UVRAG: variants seen among roughly 807,000 people sequenced by gnomAD.
The protein encoded by UVRAG is UV radiation resistance associated, also known as UV radiation resistance-associated gene protein.
Under a neutral mutation model 78.0 loss-of-function variants are expected in UVRAG, and 19 were observed. The ratio of observed to expected loss-of-function variants is 0.24; its 90% CI spans 0.17 to 0.36. The LOEUF is 0.36. UVRAG is among the 10% of genes least tolerant of loss of function. The pLI, the probability that UVRAG is intolerant of heterozygous loss-of-function variation, is 1.00. For missense variants in UVRAG, 740 were observed against 853.8 expected (o/e 0.87, Z 1.66); for synonymous variants, 323 against 324.6 (o/e 1.00, Z 0.05).
intron 6 of UVRAG, among the ~76,000 whole-genome samples, chr11:75,944,222 T>A (rs1310235965): frequency 6.6e-6 from 1 of 152,162 alleles, no homozygotes; most frequent in Non-Finnish European, 1.5e-5. Context: ...TTAGCTACCC[T>A]TCCTTCATAT....
chr11:75,867,987 G>C (rs1388588390), intron 3 of UVRAG, among the ~76,000 whole-genome samples: 3 of 152,210 alleles, frequency 2.0e-5, no homozygotes, highest in African/African-American at 7.2e-5. Context: ...GTCAAAGATT[G>C]TAGGACTTTA....
intron 13 of UVRAG, among the ~76,000 whole-genome samples, chr11:76,114,192 A>C (rs1952134265): frequency 6.6e-6 from 1 of 152,092 alleles, no homozygotes; most frequent in Non-Finnish European, 1.5e-5. Flanking sequence ...TCATGTTGGG[A>C]TATCAGCCAT....
intron 6 of UVRAG, among the ~76,000 whole-genome samples, chr11:75,945,932 C>T (rs192898019): frequency 6.6e-6 from 1 of 152,140 alleles, no homozygotes; most frequent in Non-Finnish European, 1.5e-5. Context: ...GACCCCGTCC[C>T]TAGAATAGAT....
At chr11:76,131,035 T>C (rs1239660458) in intron 14 of UVRAG, among the ~76,000 whole-genome samples, 5 of 152,018 alleles carry the variant, frequency 3.3e-5, no homozygotes, top group Non-Finnish European at 5.9e-5. Context: ...CCAGGTATCA[T>C]TCCTGGCATC....
chr11:76,064,131 A>G (rs1406594584), intron 12 of UVRAG, among the ~76,000 whole-genome samples: 2 of 152,236 alleles, frequency 1.3e-5, no homozygotes, highest in Non-Finnish European at 2.9e-5. Flanking sequence ...GGAATGTTGA[A>G]GCTTGGTTTT....
At chr11:75,860,858 C>G (rs1946405655) in intron 2 of UVRAG, among the ~76,000 whole-genome samples, 1 of 151,628 alleles carries the variant, frequency 6.6e-6, no homozygotes, top group African/African-American at 2.4e-5. Context: ...GCAATTCTAC[C>G]CACTGCAGCC....
chr11:75,873,328 C>T (rs1946693021), intron 3 of UVRAG, among the ~76,000 whole-genome samples: 1 of 151,634 alleles, frequency 6.6e-6, no homozygotes, highest in Non-Finnish European at 1.5e-5. Flanking sequence ...CAGCAAAGTG[C>T]CAGGAATAGT....
intron 12 of UVRAG, 52 bp from the exon 13 acceptor site, chr11:76,065,658 G>A: frequency 6.4e-7 from 1 of 1,554,912 alleles, no homozygotes. Flanking sequence ...CAACTTGGAG[G>A]TTGTATTTAC....
At chr11:75,995,373 C>T (rs1342080509) in intron 8 of UVRAG, among the ~76,000 whole-genome samples, 2 of 151,424 alleles carry the variant, frequency 1.3e-5, no homozygotes, top group Non-Finnish European at 2.9e-5. Context: ...TCAGATATGT[C>T]AGATTTCATT....
At chr11:76,090,089 A>G (rs143890007) in intron 13 of UVRAG, among the ~76,000 whole-genome samples, 414 of 152,156 alleles carry the variant, frequency 2.7e-3, no homozygotes, top group Non-Finnish European at 4.8e-3. Flanking sequence ...TCTGATTTCA[A>G]CCAATCTCCT....
rs77398994 is a variant in UVRAG at position 75,945,698 on chromosome 11, T to G, written c.594-15746T>G. ...TTTCATAATCTGACCTCTGCCTGCC[T>G]TTTTACCTCATCTCTTGCCATCCTC... On this transcript the variant is annotated intron_variant, in intron 6 of 14. Transcript: ENST00000356136. Among the ~76,000 whole-genome samples, 4 of 152,198 alleles carry G rather than the reference T, an allele frequency of 2.6e-5. No individual in the cohort carries two copies. The South Asian group carries it at 8.3e-4, about 32-fold the overall frequency.
intron 8 of UVRAG, among the ~76,000 whole-genome samples, chr11:76,000,670 G>GA (rs57250759): frequency 3.0e-4 from 45 of 152,078 alleles, no homozygotes; most frequent in African/African-American, 9.9e-4. Flanking sequence ...TTAAAGAATG[G>GA]AAAAAGATGT....
chr11:76,007,661 A>C, intron 10 of UVRAG, 40 bp downstream of exon 10: 3 of 1,508,724 alleles, frequency 2.0e-6, no homozygotes, highest in Non-Finnish European at 2.8e-6. Context: ...TCGTTTTGAA[A>C]AGATGATTTC....
intron 1 of UVRAG, among the ~76,000 whole-genome samples, chr11:75,829,956 C>A (rs941372598): frequency 6.6e-6 from 1 of 152,182 alleles, no homozygotes; most frequent in Non-Finnish European, 1.5e-5. Flanking sequence ...TCTCGTGCCT[C>A]GGCCTCCCAC....
intron 11 of UVRAG, among the ~76,000 whole-genome samples, chr11:76,016,597 T>A (rs971813181): frequency 2.0e-5 from 3 of 152,160 alleles, no homozygotes; most frequent in African/African-American, 7.2e-5. Flanking sequence ...TCTCATCACA[T>A]TAATTATTGG....
At chr11:76,030,622 T>C (rs1482310255) in intron 12 of UVRAG, among the ~76,000 whole-genome samples, 18 of 152,170 alleles carry the variant, frequency 1.2e-4, no homozygotes, top group Non-Finnish European at 2.9e-5. Flanking sequence ...GACTGAACAA[T>C]TGGTTGTTTT....
At chr11:76,032,799 T>C (rs1337117318) in intron 12 of UVRAG, among the ~76,000 whole-genome samples, 1 of 152,188 alleles carries the variant, frequency 6.6e-6, no homozygotes, top group Non-Finnish European at 1.5e-5. Flanking sequence ...AAGCAGATAA[T>C]ACACCTTTCC....
At chr11:75,881,489 C>G (rs1266072731) in intron 4 of UVRAG, among the ~76,000 whole-genome samples, 2 of 152,214 alleles carry the variant, frequency 1.3e-5, no homozygotes, top group Non-Finnish European at 2.9e-5. Flanking sequence ...AGATATGCAT[C>G]TATCTCAGTG....
chr11:75,969,001 T>C (rs984693834), intron 7 of UVRAG, among the ~76,000 whole-genome samples: 5 of 152,230 alleles, frequency 3.3e-5, no homozygotes, highest in Non-Finnish European at 7.3e-5. Context: ...AAAATACATA[T>C]AAGATTTATG....
Sources: allele counts gnomAD v4.1 joint callset (sites outside exome capture counted in the v4.1 genomes callset), GRCh38; gene constraint gnomAD v4.1.1; transcripts MANE v1.5; gene names NCBI Gene and HGNC (gene_info 2026-07-23, HGNC 2026-07-21).